Variants in FLVCR2 observed in about 807,000 individuals in gnomAD.
The protein encoded by FLVCR2 is choline/ethanolamine transporter FLVCR2.
In FLVCR2, 38 loss-of-function variants were observed where a neutral mutation model predicts 48.9. The ratio of observed to expected loss-of-function variants is 0.78; its 90% CI spans 0.60 to 1.02. The LOEUF (loss-of-function observed/expected upper bound fraction) is 1.02. Ranked by LOEUF, FLVCR2 falls within the 50% of genes least tolerant of loss-of-function variation. The probability of loss-of-function intolerance (pLI) is 0.00; values close to 1 mark genes in which losing one functional copy is unlikely to be tolerated. For missense variants in FLVCR2, 664 were observed against 663.3 expected, an observed-to-expected ratio of 1.00 and a Z score of -0.01; for synonymous variants, 255 against 257.0, an observed-to-expected ratio of 0.99 and a Z score of 0.07.
chr14:75,641,158 C>T (rs1890300209), intron 7 of FLVCR2, 24 bp from the exon 8 acceptor site: 4 of 1,583,278 alleles, frequency 2.5e-6, no homozygotes, highest in Middle Eastern at 1.7e-4. Context: ...GCCCTTGTTT[C>T]CTATCTTCTT....
intron 5 of FLVCR2, among the ~76,000 whole-genome samples, chr14:75,635,848 A>G (rs1020837969): frequency 6.6e-6 from 1 of 152,186 alleles, no homozygotes; most frequent in African/African-American, 2.4e-5. Flanking sequence ...TGGCTCAAGA[A>G]AAAAAAGAAA....
At chr14:75,595,204 T>C (rs1413207982) in intron 1 of FLVCR2, among the ~76,000 whole-genome samples, 2 of 152,252 alleles carry the variant, frequency 1.3e-5, no homozygotes, top group African/African-American at 4.8e-5. Context: ...AATGTGCTAT[T>C]TTACATTCAT....
chr14:75,623,478 G>T (rs980427797), intron 2 of FLVCR2, among the ~76,000 whole-genome samples: 1 of 151,980 alleles, frequency 6.6e-6, no homozygotes, highest in South Asian at 2.1e-4. Flanking sequence ...ATACTTGAAA[G>T]TTCCACCTCA....
chr14:75,605,638 T>TTAC (rs1889272057), intron 1 of FLVCR2: 1 of 1,535,772 alleles, frequency 6.5e-7, no homozygotes, highest in East Asian at 2.4e-5. Context: ...AGGATAGATC[T>TTAC]TACTTCCTTC....
chr14:75,621,985 G>A, intron 1 of FLVCR2, 94 bp from the exon 2 acceptor site: 1 of 1,297,370 alleles, frequency 7.7e-7, no homozygotes, highest in Non-Finnish European at 1.1e-6. Flanking sequence ...ATTGGAAGTT[G>A]GAAATTAGAT....
intron 3 of FLVCR2, among the ~76,000 whole-genome samples, chr14:75,626,652 A>G (rs1889907475): frequency 6.6e-6 from 1 of 151,904 alleles, no homozygotes; most frequent in African/African-American, 2.4e-5. Flanking sequence ...CAAGTTCCCC[A>G]TCACCGGAAG....
At chr14:75,592,950 G>T (rs1028571958) in intron 1 of FLVCR2, among the ~76,000 whole-genome samples, 1 of 152,184 alleles carries the variant, frequency 6.6e-6, no homozygotes, top group Non-Finnish European at 1.5e-5. Flanking sequence ...GCATAACATG[G>T]GTGACCTTTG....
intron 1 of FLVCR2, among the ~76,000 whole-genome samples, chr14:75,620,726 C>T (rs1889742245): frequency 6.6e-6 from 1 of 152,200 alleles, no homozygotes; most frequent in African/African-American, 2.4e-5. Context: ...GAACTCTACA[C>T]AGCAACTATG....
intron 1 of FLVCR2, among the ~76,000 whole-genome samples, chr14:75,588,150 G>A (rs1888795534): frequency 6.6e-6 from 1 of 152,194 alleles, no homozygotes; most frequent in Admixed American, 6.5e-5. Flanking sequence ...TTTGTTTTAT[G>A]CTGCTGTCAC....
At chr14:75,600,693 A>C (rs1056657818) in intron 1 of FLVCR2, among the ~76,000 whole-genome samples, 1 of 152,244 alleles carries the variant, frequency 6.6e-6, no homozygotes, top group Non-Finnish European at 1.5e-5. Flanking sequence ...TCAGATACCA[A>C]AAGCAGAGGT....
At chr14:75,636,743 G>A (rs1487573092) in intron 5 of FLVCR2, among the ~76,000 whole-genome samples, 2 of 152,154 alleles carry the variant, frequency 1.3e-5, no homozygotes, top group Non-Finnish European at 2.9e-5. Flanking sequence ...CCATCATTTC[G>A]GAGCCAGTCC....
chr14:75,626,566 T>C (rs1223892034), intron 3 of FLVCR2, among the ~76,000 whole-genome samples: 1 of 151,914 alleles, frequency 6.6e-6, no homozygotes, highest in Non-Finnish European at 1.5e-5. Context: ...CTCAATTCTC[T>C]GAGTATGTCT....
chr14:75,626,224 T>A (rs1889897638), intron 3 of FLVCR2, among the ~76,000 whole-genome samples: 1 of 152,124 alleles, frequency 6.6e-6, no homozygotes, highest in African/African-American at 2.4e-5. Context: ...ACTCCTGGCC[T>A]CAGGTGATCT....
chr14:75,630,096 T>A (rs1381358592), intron 3 of FLVCR2, among the ~76,000 whole-genome samples: 1 of 152,182 alleles, frequency 6.6e-6, no homozygotes, highest in Non-Finnish European at 1.5e-5. Context: ...CTGGGGTCAG[T>A]GTTTCCCAGA....
intron 1 of FLVCR2, among the ~76,000 whole-genome samples, chr14:75,606,876 G>A (rs1889304858): frequency 6.6e-6 from 1 of 151,968 alleles, no homozygotes; most frequent in Non-Finnish European, 1.5e-5. Flanking sequence ...CCTGGGAGGT[G>A]GAGGTTGCAG....
chr14:75,639,336 T>C lies in FLVCR2; in HGVS notation c.1125-16T>C. ...GTCAGAAGTGTTTGATTCAATTTCT[T>C]TGCCTCTACTTGTAGAGAGACAACC... On this transcript the variant is annotated splice_polypyrimidine_tract_variant and intron_variant, in intron 5 of 9. Coordinates refer to ENST00000238667, the MANE Select transcript of FLVCR2 (RefSeq NM_017791.3). 2 of 1,519,214 alleles carry C rather than the reference T, an allele frequency of 1.3e-6. No individual in the cohort carries two copies. The highest frequency in any genetic ancestry group is 2.7e-5 in the African/African-American group (2 of 73,176). The allele number at this position is 1,519,214 out of a possible 1,614,324, so 94.1% of individuals were successfully genotyped here.
chr14:75,640,547 G>A (rs1360955142), intron 6 of FLVCR2, among the ~76,000 whole-genome samples: 3 of 152,078 alleles, frequency 2.0e-5, no homozygotes, highest in African/African-American at 7.2e-5. Context: ...CTCCTTCCAG[G>A]TCCCAGAGAG....
Position 75,621,578 on chromosome 14 carries a change from A to G in FLVCR2, c.670-501A>G, listed in dbSNP as rs112765503. Among the ~76,000 whole-genome samples the G allele has an allele frequency of 5.0e-3, 766 of 152,282 alleles. 12 individuals carry two copies. Among genetic ancestry groups the G allele is most frequent in the African/African-American group, 0.017 (724 of 41,548 alleles). ...AGTTACTACGTTATTCACACAATAA[A>G]CTGAAGCTTCCATGCTTGTAAATGT... is the stretch of plus-strand genomic sequence containing the variant. On this transcript the variant is annotated intron_variant, in intron 1 of 9. Transcript: ENST00000238667.
At chr14:75,638,437 CA>C (rs1289863096) in intron 5 of FLVCR2, among the ~76,000 whole-genome samples, 3 of 151,526 alleles carry the variant, frequency 2.0e-5, no homozygotes, top group African/African-American at 7.3e-5. Context: ...AACTCCATCT[CA>C]AAAAAAGGAC....
Sources: gnomAD v4.1 joint callset for allele counts (sites outside exome capture counted in the v4.1 genomes callset) on GRCh38, gnomAD v4.1.1 for gene constraint, MANE v1.5 for transcripts, NCBI Gene and HGNC (gene_info 2026-07-23, HGNC 2026-07-21) for gene names.